The following PREPL variants were observed in gnomAD, a reference collection of about 807,000 sequenced individuals.
PREPL encodes prolyl endopeptidase like.
In PREPL, 77 loss-of-function variants were observed where a neutral mutation model predicts 70.6. The observed-to-expected ratio is 1.09, with a 90% CI of 0.91 to 1.32. The LOEUF (loss-of-function observed/expected upper bound fraction) is 1.32. Ranked by LOEUF, PREPL falls within the 40% of genes most tolerant of loss-of-function variation. PREPL has a pLI of 0.00. For synonymous variants in PREPL, 315 were observed against 264.8 expected, an observed-to-expected ratio of 1.19 and a Z score of -1.84; for missense variants, 1,002 against 778.2, an observed-to-expected ratio of 1.29 and a Z score of -3.42.
intron 7 of PREPL, among the ~76,000 whole-genome samples, chr2:44,334,615 G>C (rs769207163): frequency 6.6e-6 from 1 of 152,102 alleles, no homozygotes; most frequent in African/African-American, 2.4e-5. Flanking sequence ...GCGTGATCTC[G>C]GCTCACTGCA....
intron 10 of PREPL, among the ~76,000 whole-genome samples, chr2:44,324,024 G>A (rs543100509): frequency 6.6e-6 from 1 of 152,320 alleles, no homozygotes; most frequent in South Asian, 2.1e-4. Context: ...AGCAACTCAA[G>A]TGTCCATTAA....
At chr2:44,349,375 T>C (rs1676159505) in intron 1 of PREPL, among the ~76,000 whole-genome samples, 1 of 151,890 alleles carries the variant, frequency 6.6e-6, no homozygotes, top group Non-Finnish European at 1.5e-5. Context: ...AATACAAGTG[T>C]CAACTGAAGG....
Position 44,320,470 on chromosome 2 carries a change from G to C in PREPL, c.*886C>G. 1 of 1,614,122 alleles carries C rather than the reference G, an allele frequency of 6.2e-7. No individual in the cohort carries two copies. Among genetic ancestry groups the C allele is most frequent in the Admixed American group, 1.7e-5 (1 of 60,016 alleles). The stretch of plus-strand genomic sequence containing the variant: ...TTAAGTACCAATTCTGCCGACAAAG[G>C]CAGTAAAGTTGATACAAGTGGCATT... On this transcript the variant is annotated 3_prime_UTR_variant, in exon 14 of 14. Coordinates refer to ENST00000409411, the MANE Select transcript of PREPL (RefSeq NM_001171613.2).
intron 9 of PREPL, among the ~76,000 whole-genome samples, chr2:44,328,380 T>G (rs967156729): frequency 1.4e-4 from 18 of 129,430 alleles, no homozygotes; most frequent in African/African-American, 5.5e-4. Flanking sequence ...GAGGTTGCAG[T>G]GAGCCGAGAT....
At chr2:44,351,676 T>G (rs1018214788) in intron 1 of PREPL, among the ~76,000 whole-genome samples, 10 of 152,192 alleles carry the variant, frequency 6.6e-5, no homozygotes, top group Non-Finnish European at 1.5e-4. Context: ...CAATTCTACT[T>G]TCAACATATA....
At position 44,320,588 on chromosome 2, in the gene PREPL, C is replaced by T. The variant is rs368784606; in HGVS notation, c.*768G>A. 1.4e-5 allele frequency: 22 copies of T among 1,613,882 alleles called. No individual in the cohort carries two copies. The highest frequency in any genetic ancestry group is 1.3e-4 in the East Asian group (6 of 44,894). On this transcript the variant is annotated 3_prime_UTR_variant, in exon 14 of 14. Coordinates refer to ENST00000409411, the MANE Select transcript of PREPL (RefSeq NM_001171613.2). The stretch of plus-strand genomic sequence containing the variant: ...CTTTCAGAGATAGATGCTTTGTTTC[C>T]AATCGAGCATGCTATTCCAGTGTAC...
rs778003214 is a variant in PREPL, at chr2:44,339,128, A to T, written c.702+19T>A. ...ACTTCTTAACAGCCCAAATAGGAAC[A>T]ACGAGCATCCAGGATTACCTTAAAT... On this transcript the variant is annotated intron_variant, in intron 6 of 13. Transcript: ENST00000409411. 1.9e-5 allele frequency: 31 copies of T among 1,612,498 alleles called. 1 individual carries two copies. In the South Asian group the frequency reaches 3.1e-4, roughly 16 times the overall value.
At chr2:44,358,090 C>A (rs901346149) in intron 1 of PREPL, among the ~76,000 whole-genome samples, 6 of 151,972 alleles carry the variant, frequency 3.9e-5, no homozygotes, top group Non-Finnish European at 8.8e-5. Flanking sequence ...TGAACAAAAA[C>A]TAGAAAAACT....
chr2:44,350,911 T>C (rs1676350575), intron 1 of PREPL, among the ~76,000 whole-genome samples: 1 of 152,104 alleles, frequency 6.6e-6, no homozygotes, highest in Non-Finnish European at 1.5e-5. Context: ...TTCCTCTTAC[T>C]TCACTGGCCC....
chr2:44,328,046 G>A (rs532071237), intron 9 of PREPL, among the ~76,000 whole-genome samples: 1 of 145,562 alleles, frequency 6.9e-6, no homozygotes, highest in Non-Finnish European at 1.5e-5. Flanking sequence ...AGCACTTTGG[G>A]AGGCTGAGGC....
chr2:44,348,243 A>G (rs1676033768), intron 1 of PREPL, among the ~76,000 whole-genome samples: 1 of 152,142 alleles, frequency 6.6e-6, no homozygotes, highest in Admixed American at 6.5e-5. Flanking sequence ...GGAGGCTTAT[A>G]TATTTATTTT....
intron 7 of PREPL, among the ~76,000 whole-genome samples, chr2:44,337,882 T>G (rs571349681): frequency 6.6e-6 from 1 of 152,190 alleles, no homozygotes; most frequent in Non-Finnish European, 1.5e-5. Context: ...CTGCATCCCC[T>G]GCGGATAAGA....
chr2:44,359,859 G>A (rs1217620773), intron 1 of PREPL: 4 of 601,646 alleles, frequency 6.6e-6, no homozygotes, highest in Non-Finnish European at 1.2e-5. Context: ...GCCCCACTTA[G>A]GTTATGAATA....
chr2:44,319,931 A>G lies in PREPL; in HGVS notation c.*1425T>C. ...CTTTGGGACTCCTAAAGTGGAGTCA[A>G]ATTTGATCTCTACAGAAACTCTACA... On this transcript the variant is annotated 3_prime_UTR_variant, in exon 14 of 14. Coordinates refer to ENST00000409411, the MANE Select transcript of PREPL (RefSeq NM_001171613.2). The G allele has an allele frequency of 1.0e-5, 4 of 394,988 alleles. 1 individual carries two copies. The highest frequency in any genetic ancestry group is 9.7e-5 in the South Asian group (3 of 31,038). 24.5% of individuals were successfully genotyped at this position (394,988 alleles called of 1,614,324 possible).
Position 44,326,927 on chromosome 2 carries a change from C to T in PREPL, c.1264G>A (p.Gly422Ser), listed in dbSNP as rs1470419476. The T allele has an allele frequency of 4.3e-6, 7 of 1,613,864 alleles. No homozygotes were observed. Among genetic ancestry groups the T allele is most frequent in the Non-Finnish European group, 5.9e-6 (7 of 1,179,854 alleles). The change falls in exon 10 of 14, where the codon GGT (glycine) becomes AGT (serine). Residue 422 changes from glycine to serine, a missense_variant and splice_region_variant. Transcript: ENST00000409411. ...GWILAYCHVR[G>S]GGELGLQWHA... ...CACTGGAGGCCTAACTCACCACCAC[C>T]TCTGAAATTGAAGGGCAAAAAAGTT...
chr2:44,330,216 T>G (rs891376702), intron 8 of PREPL, among the ~76,000 whole-genome samples: 2 of 152,154 alleles, frequency 1.3e-5, no homozygotes, highest in African/African-American at 4.8e-5. Context: ...CAGAAAAAGT[T>G]GCTTGTTGAA....
rs760961704 is a variant in PREPL at position 44,326,898 on chromosome 2, G to C, written c.1293C>G (p.His431Gln). ...GTTTTTTAGTTAGGCGGCCATCAGC[G>C]TGCCACTGGAGGCCTAACTCACCAC... ...RGGGELGLQW[H>Q]ADGRLTKKLN... The change falls in exon 10 of 14, where the codon CAC becomes CAG. Residue 431 changes from histidine (H) to glutamine (Q), a missense_variant. Physicochemically the swap from His to Gln is conservative, Grantham distance 24. Coordinates refer to ENST00000409411, the MANE Select transcript of PREPL (RefSeq NM_001171613.2). 4 of 1,614,102 alleles carry C rather than the reference G, an allele frequency of 2.5e-6. No individual in the cohort carries two copies. In the South Asian group the frequency reaches 3.3e-5, roughly 13 times the overall value.
Position 44,359,388 on chromosome 2 carries a change from G to A in PREPL, c.-49+1992C>T, listed in dbSNP as rs1677412840. On this transcript the variant is annotated intron_variant, in intron 1 of 13. Coordinates refer to ENST00000409411, the MANE Select transcript of PREPL (RefSeq NM_001171613.2). ...GAGACTTGAAAATTAGAAAAATCAA[G>A]TTAGAATTACTGAGAAAATTAGTAG... 3.2e-5 allele frequency: 29 copies of A among 902,530 alleles called. No homozygotes were observed. The South Asian group carries it at 5.0e-4, about 16-fold the overall frequency. 55.9% of individuals were successfully genotyped at this position (902,530 alleles called of 1,614,324 possible). A position where few individuals can be genotyped will look rare whatever the true frequency, so the allele number is the denominator to read the frequency against.
At position 44,343,731 on chromosome 2, in the gene PREPL, G is replaced by A. The variant is rs745809917; in HGVS notation, c.349+14C>T. ...GCCTTTCAACACAGAGGACTATTTT[G>A]GTTGGTGGCTTACCAAAACTGGACA... On this transcript the variant is annotated intron_variant, in intron 4 of 13. Transcript: ENST00000409411. The A allele has an allele frequency of 1.9e-6, 3 of 1,601,496 alleles. No homozygotes were observed. The highest frequency in any genetic ancestry group is 1.7e-6 in the Non-Finnish European group (2 of 1,168,752).
Sources: gnomAD v4.1 joint callset for allele counts (sites outside exome capture counted in the v4.1 genomes callset) on GRCh38, gnomAD v4.1.1 for gene constraint, MANE v1.5 for transcripts, NCBI Gene and HGNC (gene_info 2026-07-23, HGNC 2026-07-21) for gene names.